The following DBX1 variants were observed in gnomAD, a reference collection of about 807,000 sequenced individuals.
DBX1 encodes the protein developing brain homeobox 1.
A neutral mutation model predicts 20.8 loss-of-function variants in DBX1; 10 were observed. The observed-to-expected ratio is 0.48, with a 90% CI of 0.30 to 0.82. The LOEUF (loss-of-function observed/expected upper bound fraction) is 0.82. Among genes scored for constraint, DBX1 ranks in the 40% least tolerant of loss-of-function variants. DBX1 has a pLI of 0.07. For synonymous variants in DBX1, 241 were observed against 213.9 expected (o/e 1.13, Z -1.11); for missense variants, 505 against 468.8 (o/e 1.08, Z -0.71).
chr11:20,156,162 C>T lies in DBX1; in HGVS notation c.*52G>A. On this transcript the variant is annotated 3_prime_UTR_variant, in exon 4 of 4. Coordinates refer to ENST00000524983, the MANE Select transcript of DBX1 (RefSeq NM_001029865.4). This position sits in a 1 kb window ranked among gnomAD's most constrained non-coding sequence, Gnocchi z 4.8. ...AAGTGAATGCGCAGACTGGACCCCA[C>T]CTCTTCGATTTCAAAGCACTTAAAA... 6.6e-7 allele frequency: 1 copy of T among 1,509,236 alleles called. No individual in the cohort carries two copies. The highest frequency in any genetic ancestry group is 8.9e-7 in the Non-Finnish European group (1 of 1,129,296). The allele number at this position is 1,509,236 out of a possible 1,614,324, so 93.5% of individuals were successfully genotyped here.
intron 1 of DBX1, 141 bp from the exon 2 acceptor site, chr11:20,159,433 G>A: frequency 1.6e-6 from 1 of 628,524 alleles, no homozygotes; most frequent in Non-Finnish European, 2.9e-6. Context: ...CTTATACGTT[G>A]ACAGGGTAAA....
In DBX1 at chr11:20,156,590, G is replaced by A. The variant is rs60208936; in HGVS notation, c.673-17C>T. On this transcript the variant is annotated splice_polypyrimidine_tract_variant and intron_variant, in intron 3 of 3. Transcript: ENST00000524983. The surrounding 1 kb of genome is among the most constrained non-coding windows in gnomAD (Gnocchi z 4.8). ...GATTTTCACCTGGAATGTCCCGGCCGGCGAGAAGAAGGGAGAAGCAGAGGT... is the reference window on the plus strand; with the variant it reads ...GATTTTCACCTGGAATGTCCCGGCCAGCGAGAAGAAGGGAGAAGCAGAGGT... 10,815 of 1,613,938 alleles carry A rather than the reference G, an allele frequency of 6.7e-3. 606 individuals carry two copies. In the African/African-American group the frequency reaches 0.13, roughly 19 times the overall value.
Position 20,156,415 on chromosome 11 carries a change from C to CTCT in DBX1, c.828_830dup (p.Glu280dup), listed in dbSNP as rs1565142130. 1 of 1,603,890 alleles carries CTCT rather than the reference C, an allele frequency of 6.2e-7. No individual in the cohort carries two copies. The highest frequency in any genetic ancestry group is 1.7e-5 in the Admixed American group (1 of 58,050). On this transcript the variant is annotated inframe_insertion, in exon 4 of 4. Transcript: ENST00000524983. The surrounding 1 kb of genome is among the most constrained non-coding windows in gnomAD (Gnocchi z 4.8). ...TGGGGCTGCCCGGGCCCTCCTCCTC[C>CTCT]TCTTCGTTCCCAGGGCCCTTCTGGC...
Position 20,156,307 on chromosome 11 carries a change from G to T in DBX1, c.939C>A (p.Pro313=), listed in dbSNP as rs1469876545. 10 of 1,553,170 alleles carry T rather than the reference G, an allele frequency of 6.4e-6. No individual in the cohort carries two copies. The highest frequency in any genetic ancestry group is 7.8e-6 in the Non-Finnish European group (9 of 1,151,064). Residue 313 remains proline (P), a synonymous_variant, in exon 4 of 4, where the codon CCC becomes CCA. Coordinates refer to ENST00000524983, the MANE Select transcript of DBX1 (RefSeq NM_001029865.4). The surrounding 1 kb of genome is among the most constrained non-coding windows in gnomAD (Gnocchi z 4.8). The part of the protein sequence containing the change: ...PRLPGPLPPS[P]AHSSSPGKPS... ...GTTTCCCGGGACTGCTCGAGTGCGC[G>T]GGCGAGGGGGGCAGCGGCCCTGGCA...
chr11:20,159,150 G>T, intron 2 of DBX1, 41 bp downstream of exon 2: 1 of 1,426,252 alleles, frequency 7.0e-7, no homozygotes, highest in Non-Finnish European at 9.9e-7. Flanking sequence ...CGGGGCTGGG[G>T]CGCCGCCCTG....
chr11:20,160,209 A>G lies in DBX1; in HGVS notation c.116T>C (p.Phe39Ser). Residue 39 changes from phenylalanine to serine, a missense_variant, in exon 1 of 4, where the codon TTC (phenylalanine) becomes TCC (serine). Transcript: ENST00000524983. ...GATGCGGATCAGATCCTCCACCAGGAAGCTGGAGTGGCCGGAAAATGCCGA... is the reference window on the plus strand; with the variant it reads ...GATGCGGATCAGATCCTCCACCAGGGAGCTGGAGTGGCCGGAAAATGCCGA... ...LQSAFSGHSSFLVEDLIRISR... is the reference protein window; with the variant it reads ...LQSAFSGHSSSLVEDLIRISR... The G allele has an allele frequency of 4.5e-6, 7 of 1,547,456 alleles. No homozygotes were observed. The highest frequency in any genetic ancestry group is 6.1e-6 in the Non-Finnish European group (7 of 1,146,602).
rs1224829143 is a variant in DBX1 at position 20,160,208 on chromosome 11, G to C, written c.117C>G (p.Phe39Leu). The C allele has an allele frequency of 6.5e-7, 1 of 1,547,492 alleles. No homozygotes were observed. The highest frequency in any genetic ancestry group is 8.7e-7 in the Non-Finnish European group (1 of 1,146,652). The change falls in exon 1 of 4, where the codon TTC becomes TTG. Residue 39 changes from phenylalanine (F) to leucine (L), a missense_variant. Phe to Leu is a conservative substitution (Grantham distance 22). Coordinates refer to ENST00000524983, the MANE Select transcript of DBX1 (RefSeq NM_001029865.4). ...TGATGCGGATCAGATCCTCCACCAG[G>C]AAGCTGGAGTGGCCGGAAAATGCCG... ...LQSAFSGHSS[F>L]LVEDLIRISR... is the part of the protein sequence containing the mutation.
intron 2 of DBX1, among the ~76,000 whole-genome samples, chr11:20,158,929 G>A (rs1020680316): frequency 4.6e-5 from 7 of 152,126 alleles, no homozygotes; most frequent in African/African-American, 9.7e-5. Context: ...GCCGGGAAGG[G>A]AACCGCCTCA....
In DBX1 at chr11:20,156,627, C is replaced by A. The variant is rs373018003; in HGVS notation, c.673-54G>T. On this transcript the variant is annotated intron_variant, in intron 3 of 3. Coordinates refer to ENST00000524983, the MANE Select transcript of DBX1 (RefSeq NM_001029865.4). This position sits in a 1 kb window ranked among gnomAD's most constrained non-coding sequence, Gnocchi z 4.8. ...GGAGAAGCAGAGGTCAGATCAGGGGCTCCGGGGGACGCACGGGGGCGGGGA... is the reference window on the plus strand; with the variant it reads ...GGAGAAGCAGAGGTCAGATCAGGGGATCCGGGGGACGCACGGGGGCGGGGA... 2 of 1,613,142 alleles carry A rather than the reference C, an allele frequency of 1.2e-6. No individual in the cohort carries two copies. Among genetic ancestry groups the A allele is most frequent in the Non-Finnish European group, 1.7e-6 (2 of 1,179,912 alleles).
At chr11:20,159,350 C>A in intron 1 of DBX1, 58 bp from the exon 2 acceptor site, 1 of 1,170,786 alleles carries the variant, frequency 8.5e-7, no homozygotes, top group Non-Finnish European at 1.3e-6. Flanking sequence ...AATCTGATTA[C>A]GTACTTGCCT....
chr11:20,158,831 A>G (rs981008619), intron 2 of DBX1, among the ~76,000 whole-genome samples: 4 of 152,060 alleles, frequency 2.6e-5, no homozygotes, highest in African/African-American at 4.8e-5. Context: ...CCAATTGGTC[A>G]TGGTGCTGAA....
In DBX1 at chr11:20,159,310, G is replaced by T. The variant is rs2063676350; in HGVS notation, c.368-18C>A. On this transcript the variant is annotated intron_variant, in intron 1 of 3. Transcript: ENST00000524983. Reference sequence around the variant, plus strand: ...GGATGTTTCTGGTGGGCGATGGAGGGGGGACAGAAGGAGAGAGGGAGACAG... The same window carrying T: ...GGATGTTTCTGGTGGGCGATGGAGGTGGGACAGAAGGAGAGAGGGAGACAG... 3.3e-6 allele frequency: 5 copies of T among 1,527,896 alleles called. No homozygotes were observed. The East Asian group carries it at 1.1e-4, about 34-fold the overall frequency. The allele number at this position is 1,527,896 out of a possible 1,614,324, so 94.6% of individuals were successfully genotyped here.
In DBX1 at chr11:20,156,312, A is replaced by AG. The variant is rs758397601; in HGVS notation, c.933dup (p.Ser312LeufsTer44). On this transcript the variant is annotated frameshift_variant, in exon 4 of 4. Transcript: ENST00000524983. LOFTEE classifies it high-confidence loss of function. This position sits in a 1 kb window ranked among gnomAD's most constrained non-coding sequence, Gnocchi z 4.8. ...CCGGGACTGCTCGAGTGCGCGGGCG[A>AG]GGGGGGCAGCGGCCCTGGCAGCCGC... is the stretch of plus-strand genomic sequence containing the variant. The AG allele has an allele frequency of 1.9e-6, 3 of 1,564,372 alleles. No individual in the cohort carries two copies. Among genetic ancestry groups the AG allele is most frequent in the African/African-American group, 1.4e-5 (1 of 73,692 alleles).
intron 2 of DBX1, among the ~76,000 whole-genome samples, chr11:20,157,647 C>T (rs2063666932): frequency 6.6e-6 from 1 of 152,164 alleles, no homozygotes; most frequent in Admixed American, 6.5e-5. Context: ...GTGGCTTTTG[C>T]ATTCTTTAGA....
In DBX1 at chr11:20,157,235, G is replaced by T; in HGVS notation, c.474C>A (p.Ser158=). ...PFIRSSYFPA[S]SSVVPIPGTF... ...TCCCGGGGATGGGCACCACGCTGGA[G>T]GAAGCTGCAGGGTGGGGGGAGGTGG... Residue 158 remains serine, a synonymous_variant, in exon 3 of 4, where the codon TCC becomes TCA. Transcript: ENST00000524983. 6.4e-7 allele frequency: 1 copy of T among 1,564,666 alleles called. No individual in the cohort carries two copies.
At position 20,160,070 on chromosome 11, in the gene DBX1, C is replaced by A; in HGVS notation, c.255G>T (p.Pro85=). ...AGCCGCCCCGTCGGCTGCCGGGACC[C>A]GGGGAGCCCAGGTCCGAGGCCCCCG... The part of the protein sequence containing the change: ...TDTGASDLGS[P]GPGSRRGGSP... Residue 85 remains proline (P), a synonymous_variant, in exon 1 of 4, where the codon CCG becomes CCT. Transcript: ENST00000524983. The A allele has an allele frequency of 6.4e-7, 1 of 1,573,920 alleles. No homozygotes were observed. The highest frequency in any genetic ancestry group is 2.4e-5 in the East Asian group (1 of 42,196).
chr11:20,156,510 A>G lies in DBX1; in HGVS notation c.736T>C (p.Ser246Pro). 1 of 1,613,982 alleles carries G rather than the reference A, an allele frequency of 6.2e-7. No individual in the cohort carries two copies. The highest frequency in any genetic ancestry group is 8.5e-7 in the Non-Finnish European group (1 of 1,180,014). ...WRNSKERELL[S>P]SGGCREQTLP... ...GTCTGCTCGCGACAGCCCCCGCTAG[A>G]CAGGAGTTCGCGCTCCTTGGAGTTC... Residue 246 changes from serine (S) to proline (P), a missense_variant, in exon 4 of 4, where the codon TCT (serine) becomes CCT (proline). Ser to Pro is a moderately conservative substitution (Grantham distance 74). Coordinates refer to ENST00000524983, the MANE Select transcript of DBX1 (RefSeq NM_001029865.4). The surrounding 1 kb of genome is among the most constrained non-coding windows in gnomAD (Gnocchi z 4.8).
Position 20,158,445 on chromosome 11 carries a change from A to G in DBX1, c.469+746T>C, listed in dbSNP as rs537437599. On this transcript the variant is annotated intron_variant, in intron 2 of 3. Coordinates refer to ENST00000524983, the MANE Select transcript of DBX1 (RefSeq NM_001029865.4). ...TTTTTGAGCCATAGTTTGAATCATCAGTGAGGTTACAGGAAGAAAACCTGG... is the reference window on the plus strand; with the variant it reads ...TTTTTGAGCCATAGTTTGAATCATCGGTGAGGTTACAGGAAGAAAACCTGG... 7.2e-5 allele frequency among the ~76,000 whole-genome samples: 11 copies of G among 152,264 alleles called. No individual in the cohort carries two copies. In the East Asian group the frequency reaches 1.9e-3, roughly 27 times the overall value.
rs765613517 is a variant in DBX1 at position 20,156,640 on chromosome 11, A to C, written c.673-67T>G. 1.4e-5 allele frequency: 23 copies of C among 1,611,166 alleles called. No individual in the cohort carries two copies. In the Admixed American group the frequency reaches 3.2e-4, roughly 22 times the overall value. On this transcript the variant is annotated intron_variant, in intron 3 of 3. Transcript: ENST00000524983. The surrounding 1 kb of genome is among the most constrained non-coding windows in gnomAD (Gnocchi z 4.8). ...TCAGATCAGGGGCTCCGGGGGACGC[A>C]CGGGGGCGGGGAGTGGAGTCGGGTG...
Sources: gnomAD v4.1 joint callset for allele counts (sites outside exome capture counted in the v4.1 genomes callset) on GRCh38, gnomAD v4.1.1 for gene constraint, Gnocchi (gnomAD v3.1) non-coding constraint, MANE v1.5 for transcripts, NCBI Gene and HGNC (gene_info 2026-07-23, HGNC 2026-07-21) for gene names.